The following ZNF318 variants were observed in gnomAD, a reference collection of about 807,000 sequenced individuals.
ZNF318 encodes the protein zinc finger protein 318, also known as endocrine regulator.
A neutral mutation model predicts 124.2 loss-of-function variants in ZNF318; 51 were observed. The ratio of observed to expected loss-of-function variants is 0.41; its 90% confidence interval spans 0.33 to 0.52. The LOEUF (loss-of-function observed/expected upper bound fraction) is 0.52, where lower values mean the gene tolerates loss of function less well. ZNF318 is among the 20% of genes least tolerant of loss of function. ZNF318 has a pLI of 0.23. For missense variants in ZNF318, 2,815 were observed against 2,811.2 expected (o/e 1.00, Z -0.03); for synonymous variants, 1,090 against 1,040.7 (o/e 1.05, Z -0.91).
Position 43,357,699 on chromosome 6 carries a change from A to G in ZNF318, c.615T>C (p.Tyr205=). ...TGAGAGGCCCTTCCTCCTGGGAAAT[A>G]TATCGCTCAAGACCCCGAGAGCACT... is the stretch of plus-strand genomic sequence containing the variant. The part of the protein sequence containing the change: ...SSQCSRGLER[Y]ISQEEGPLSP... Residue 205 remains tyrosine, a synonymous_variant, in exon 3 of 10, where the codon TAT becomes TAC. Coordinates refer to ENST00000361428, the MANE Select transcript of ZNF318 (RefSeq NM_014345.3). 5 of 1,611,448 alleles carry G rather than the reference A, an allele frequency of 3.1e-6. No individual in the cohort carries two copies. The highest frequency in any genetic ancestry group is 2.5e-6 in the Non-Finnish European group (3 of 1,179,988).
In ZNF318 at chr6:43,338,408, T is replaced by G; in HGVS notation, c.5590A>C (p.Lys1864Gln). Residue 1864 changes from lysine to glutamine, a missense_variant, in exon 10 of 10, where the codon AAG (lysine) becomes CAG (glutamine). Physicochemically the swap from Lys to Gln is moderately conservative, Grantham distance 53. Coordinates refer to ENST00000361428, the MANE Select transcript of ZNF318 (RefSeq NM_014345.3). ...GATAAAAATGAGTCTAATTTTGCCT[T>G]TGTGAAAGAGCAAGCCTGTGGACTC... ...KLSPQACSFT[K>Q]AKLDSFLSEA... 1 of 1,614,222 alleles carries G rather than the reference T, an allele frequency of 6.2e-7. No homozygotes were observed. Among genetic ancestry groups the G allele is most frequent in the Non-Finnish European group, 8.5e-7 (1 of 1,180,030 alleles).
At chr6:43,363,163 A>T (rs1030295031) in intron 2 of ZNF318, among the ~76,000 whole-genome samples, 15 of 152,228 alleles carry the variant, frequency 9.9e-5, no homozygotes, top group Non-Finnish European at 2.2e-4. Flanking sequence ...GCACATGTGC[A>T]TAACAAAGTT....
chr6:43,341,255 T>C (rs1271627379), intron 8 of ZNF318, among the ~76,000 whole-genome samples: 1 of 152,220 alleles, frequency 6.6e-6, no homozygotes, highest in African/African-American at 2.4e-5. Flanking sequence ...CCCATTACCA[T>C]TTTATGATGA....
intron 6 of ZNF318, among the ~76,000 whole-genome samples, chr6:43,344,905 T>C (rs567887610): frequency 1.3e-5 from 2 of 152,128 alleles, no homozygotes; most frequent in Non-Finnish European, 2.9e-5. Context: ...GTATTTGGAA[T>C]AACATACACC....
In ZNF318 at chr6:43,338,425, T is replaced by C. The variant is rs1478561022; in HGVS notation, c.5573A>G (p.Gln1858Arg). 2 of 1,614,252 alleles carry C rather than the reference T, an allele frequency of 1.2e-6. No homozygotes were observed. The highest frequency in any genetic ancestry group is 2.2e-5 in the East Asian group (1 of 44,888). Residue 1858 changes from glutamine (Q) to arginine (R), a missense_variant, in exon 10 of 10, where the codon CAG becomes CGG. By Grantham distance (43) the Gln-to-Arg change is conservative. This residue lies in a region of ZNF318 where 927 missense variants were observed against 820.6 expected (regional missense o/e 1.13). Transcript: ENST00000361428. Reference sequence around the variant, plus strand: ...TTTTGCCTTTGTGAAAGAGCAAGCCTGTGGACTCAATTTGATCACTACTTT... The same window carrying C: ...TTTTGCCTTTGTGAAAGAGCAAGCCCGTGGACTCAATTTGATCACTACTTT... ...PSKVVIKLSP[Q>R]ACSFTKAKLD...
chr6:43,345,540 T>C (rs747647180), intron 6 of ZNF318, among the ~76,000 whole-genome samples: 59 of 152,298 alleles, frequency 3.9e-4, no homozygotes, highest in Middle Eastern at 6.8e-3. Context: ...CGTACATGAA[T>C]AGAAATCCAA....
At position 43,364,257 on chromosome 6, in the gene ZNF318, T is replaced by G. The variant is rs370389262; in HGVS notation, c.548+1035A>C. The G allele has an allele frequency of 2.3e-4, 133 of 574,148 alleles. 2 individuals are homozygous for G. Among genetic ancestry groups the G allele is most frequent in the East Asian group, 2.2e-3 (72 of 33,350 alleles). The allele number at this position is 574,148 out of a possible 1,614,324, so 35.6% of individuals were successfully genotyped here. ...ATCAAGACACACACCAGAGTCTCTG[T>G]GCAGAGGACGTAGGCTCCAGCTGTG... On this transcript the variant is annotated intron_variant, in intron 2 of 9. Coordinates refer to ENST00000361428, the MANE Select transcript of ZNF318 (RefSeq NM_014345.3).
At chr6:43,360,739 C>G (rs1475175014) in intron 2 of ZNF318, among the ~76,000 whole-genome samples, 1 of 151,942 alleles carries the variant, frequency 6.6e-6, no homozygotes, top group Non-Finnish European at 1.5e-5. Flanking sequence ...CATGGTATAT[C>G]CATACAATAA....
intron 1 of ZNF318, among the ~76,000 whole-genome samples, chr6:43,366,888 C>T (rs1779769041): frequency 6.6e-6 from 1 of 151,862 alleles, no homozygotes; most frequent in South Asian, 2.1e-4. Flanking sequence ...CTTGCTCTGT[C>T]GTCCCCAGCC....
At chr6:43,345,213 C>A (rs1175732615) in intron 6 of ZNF318, among the ~76,000 whole-genome samples, 2 of 141,774 alleles carry the variant, frequency 1.4e-5, no homozygotes, top group Non-Finnish European at 3.0e-5. Context: ...TGTCACTGCA[C>A]TCAACTTAGG....
chr6:43,343,598 G>A (rs538195754), intron 6 of ZNF318, among the ~76,000 whole-genome samples: 4 of 152,204 alleles, frequency 2.6e-5, no homozygotes, highest in African/African-American at 9.6e-5. Context: ...GGAGGTCGAG[G>A]TGGGCAGATC....
Position 43,336,640 on chromosome 6 carries a change from T to A in ZNF318, c.*518A>T, listed in dbSNP as rs894232755. Reference sequence around the variant, plus strand: ...TTCAAACAATGTTAAGGCAGGCCCATCCAAATGGAAGCCTAAGAGATGAAC... The same window carrying A: ...TTCAAACAATGTTAAGGCAGGCCCAACCAAATGGAAGCCTAAGAGATGAAC... On this transcript the variant is annotated 3_prime_UTR_variant, in exon 10 of 10. Coordinates refer to ENST00000361428, the MANE Select transcript of ZNF318 (RefSeq NM_014345.3). The A allele has an allele frequency of 1.3e-5, 2 of 152,526 alleles. No individual in the cohort carries two copies. The highest frequency in any genetic ancestry group is 4.1e-4 in the South Asian group (2 of 4,832). 9.4% of individuals were successfully genotyped at this position (152,526 alleles called of 1,614,324 possible).
In ZNF318 at chr6:43,340,368, C is replaced by T. The variant is rs747035062; in HGVS notation, c.3630G>A (p.Glu1210=). ...CCTTTGCCTTTTTTTCTTTCTTCTCCTCCTTTGGTTTCTCACTAAGTTTGC... is the reference window on the plus strand; with the variant it reads ...CCTTTGCCTTTTTTTCTTTCTTCTCTTCCTTTGGTTTCTCACTAAGTTTGC... ...LKRKLSEKPK[E]EKKEKKAKAV... Residue 1210 remains glutamate (E), a synonymous_variant, in exon 10 of 10, where the codon GAG becomes GAA. Coordinates refer to ENST00000361428, the MANE Select transcript of ZNF318 (RefSeq NM_014345.3). 10 of 1,613,970 alleles carry T rather than the reference C, an allele frequency of 6.2e-6. No individual in the cohort carries two copies. The highest frequency in any genetic ancestry group is 2.2e-5 in the South Asian group (2 of 91,090).
intron 2 of ZNF318, among the ~76,000 whole-genome samples, chr6:43,362,768 T>C (rs947451880): frequency 6.6e-6 from 1 of 152,028 alleles, no homozygotes; most frequent in Non-Finnish European, 1.5e-5. Flanking sequence ...CCTCCCAAAG[T>C]GCTGGGATTA....
chr6:43,357,568 C>A lies in ZNF318; in HGVS notation c.746G>T (p.Gly249Val). Residue 249 changes from glycine to valine, a missense_variant, in exon 3 of 10, where the codon GGA becomes GTA. This residue lies in a region of ZNF318 where 1,377 missense variants were observed against 1,353.5 expected (regional missense o/e 1.02). Coordinates refer to ENST00000361428, the MANE Select transcript of ZNF318 (RefSeq NM_014345.3). ...GAGTTTTTCTCGATTCCGTTCTGTTCCCCGCAACAGCTCATCATGACAACT... is the reference window on the plus strand; with the variant it reads ...GAGTTTTTCTCGATTCCGTTCTGTTACCCGCAACAGCTCATCATGACAACT... ...HISCHDELLR[G>V]TERNREKLKG... 6.2e-7 allele frequency: 1 copy of A among 1,614,048 alleles called. No homozygotes were observed. The highest frequency in any genetic ancestry group is 1.7e-5 in the Admixed American group (1 of 60,006).
At position 43,355,201 on chromosome 6, in the gene ZNF318, T is replaced by C. The variant is rs897980642; in HGVS notation, c.2133A>G (p.Pro711=). The C allele has an allele frequency of 5.6e-6, 9 of 1,614,062 alleles. No homozygotes were observed. Among genetic ancestry groups the C allele is most frequent in the East Asian group, 2.2e-5 (1 of 44,898 alleles). Residue 711 remains proline, a synonymous_variant, in exon 4 of 10, where the codon CCA becomes CCG. Coordinates refer to ENST00000361428, the MANE Select transcript of ZNF318 (RefSeq NM_014345.3). Reference sequence around the variant, plus strand: ...CCACTGGATGGTCAGACTTTAGGAATGGAGGGCTGTTTTTTGTGAGCAGGT... The same window carrying C: ...CCACTGGATGGTCAGACTTTAGGAACGGAGGGCTGTTTTTTGTGAGCAGGT... ...DPYLLTKNSP[P]FLKSDHPVGH... is the part of the protein sequence containing the mutation.
rs376470195 is a variant in ZNF318 at position 43,354,104 on chromosome 6, T to TAC, written c.2670+558_2670+559dup. Among the ~76,000 whole-genome samples, 447 of 150,442 alleles carry TAC rather than the reference T, an allele frequency of 3.0e-3. 3 individuals are homozygous for TAC. Among genetic ancestry groups the TAC allele is most frequent in the East Asian group, 0.011 (59 of 5,144 alleles). On this transcript the variant is annotated intron_variant, in intron 4 of 9. Coordinates refer to ENST00000361428, the MANE Select transcript of ZNF318 (RefSeq NM_014345.3). Reference sequence around the variant, plus strand: ...AAATATACGTATACATACACACACATACACACACACACACACGTAATTTTT... The same window carrying TAC: ...AAATATACGTATACATACACACACATACACACACACACACACACGTAATTTTT...
intron 6 of ZNF318, among the ~76,000 whole-genome samples, chr6:43,343,145 C>T (rs967735013): frequency 6.6e-6 from 1 of 152,146 alleles, no homozygotes; most frequent in Admixed American, 6.5e-5. Context: ...TCTAGAAGAA[C>T]AGCCAAGGTT....
chr6:43,357,320 T>A lies in ZNF318; in HGVS notation c.994A>T (p.Ser332Cys), dbSNP rs766733480. The stretch of plus-strand genomic sequence containing the variant: ...ACCAGCTCCTGACTCAAGCTCCTAC[T>A]TCGCTCCTCCTCTTCCTCTCGCTTT... ...RRKREEEEERSRSLSQELVGV... is the reference protein window; with the variant it reads ...RRKREEEEERCRSLSQELVGV... The change falls in exon 3 of 10, where the codon AGT becomes TGT. Residue 332 changes from serine to cysteine, a missense_variant. By Grantham distance (112) the Ser-to-Cys change is moderately radical. Transcript: ENST00000361428. 4.0e-5 allele frequency: 64 copies of A among 1,614,048 alleles called. 1 individual carries two copies. Among genetic ancestry groups the A allele is most frequent in the Non-Finnish European group, 4.9e-5 (58 of 1,180,026 alleles).
Sources: allele counts gnomAD v4.1 joint callset (sites outside exome capture counted in the v4.1 genomes callset), GRCh38; gene constraint gnomAD v4.1.1; regional missense constraint gnomAD v4.1.1; transcripts MANE v1.5; gene names NCBI Gene and HGNC (gene_info 2026-07-23, HGNC 2026-07-21).